The following SGCZ variants were observed in gnomAD, a reference collection of about 807,000 sequenced individuals.
SGCZ encodes the protein zeta-sarcoglycan.
A neutral mutation model predicts 41.3 loss-of-function variants in SGCZ; 40 were observed. The ratio of observed to expected loss-of-function variants is 0.97; its 90% CI spans 0.75 to 1.26. The LOEUF is 1.26. Ranked by LOEUF, SGCZ falls within the 50% of genes most tolerant of loss-of-function variation. SGCZ has a pLI of 0.00. For missense variants in SGCZ, 552 were observed against 369.8 expected (o/e 1.49, Z -4.04); for synonymous variants, 206 against 137.5 (o/e 1.50, Z -3.49).
intron 1 of SGCZ, among the ~76,000 whole-genome samples, chr8:14,577,304 G>A (rs1417712188): frequency 6.6e-5 from 10 of 150,890 alleles, no homozygotes; most frequent in Non-Finnish European, 8.8e-5. Flanking sequence ...ATTTTTATCT[G>A]ATCTGACAGA....
intron 1 of SGCZ, among the ~76,000 whole-genome samples, chr8:15,120,632 T>C (rs1040707156): frequency 2.0e-5 from 3 of 152,200 alleles, no homozygotes; most frequent in Non-Finnish European, 4.4e-5. Flanking sequence ...GTAATAGATA[T>C]GGACTTTTAT....
intron 3 of SGCZ, among the ~76,000 whole-genome samples, chr8:14,257,056 C>T (rs1318869534): frequency 2.6e-5 from 4 of 152,088 alleles, no homozygotes; most frequent in East Asian, 1.9e-4. Flanking sequence ...TCTGGCCAGG[C>T]GTGGTGGCTC....
chr8:14,288,311 A>G (rs1167632709), intron 3 of SGCZ, among the ~76,000 whole-genome samples: 1 of 152,156 alleles, frequency 6.6e-6, no homozygotes, highest in East Asian at 1.9e-4. Flanking sequence ...GAATAATTTT[A>G]AAGTGTACAA....
intron 1 of SGCZ, among the ~76,000 whole-genome samples, chr8:15,061,104 A>T (rs1257932589): frequency 1.3e-5 from 2 of 151,126 alleles, no homozygotes; most frequent in Non-Finnish European, 3.0e-5. Flanking sequence ...AAATGTTATC[A>T]AATGTTAGCC....
chr8:14,938,303 G>C (rs1036197022), intron 1 of SGCZ, among the ~76,000 whole-genome samples: 2 of 152,032 alleles, frequency 1.3e-5, no homozygotes, highest in African/African-American at 2.4e-5. Flanking sequence ...ACATACTTTC[G>C]AACTGTGCTG....
chr8:14,711,385 T>C (rs1809508923), intron 1 of SGCZ, among the ~76,000 whole-genome samples: 2 of 148,248 alleles, frequency 1.3e-5, no homozygotes, highest in Admixed American at 6.8e-5. Context: ...AGATCAGGAG[T>C]TCGAGACCAG....
At chr8:14,410,949 C>T (rs544727542) in intron 2 of SGCZ, among the ~76,000 whole-genome samples, 30 of 151,984 alleles carry the variant, frequency 2.0e-4, no homozygotes, top group Non-Finnish European at 4.1e-4. Flanking sequence ...TTTTCTTCAA[C>T]GTTTTTTCTT....
intron 2 of SGCZ, among the ~76,000 whole-genome samples, chr8:14,542,835 C>T (rs1011318203): frequency 2.0e-5 from 3 of 151,934 alleles, no homozygotes; most frequent in Non-Finnish European, 4.4e-5. Context: ...ATTTTTAGAT[C>T]TCTCTGCTAA....
At chr8:14,725,255 T>C (rs1183827226) in intron 1 of SGCZ, among the ~76,000 whole-genome samples, 8 of 152,238 alleles carry the variant, frequency 5.3e-5, no homozygotes, top group Non-Finnish European at 1.2e-4. Flanking sequence ...AGACACTTAA[T>C]TCCCTACTTT....
intron 1 of SGCZ, among the ~76,000 whole-genome samples, chr8:14,860,010 A>T (rs568799535): frequency 6.6e-6 from 1 of 152,294 alleles, no homozygotes; most frequent in African/African-American, 2.4e-5. Context: ...AGTAAAAGAT[A>T]AGGAAAGAAT....
At chr8:14,104,429 TA>T (rs34950929) in intron 6 of SGCZ, among the ~76,000 whole-genome samples, 87,912 of 150,718 alleles carry the variant, frequency 0.58, 26,309 homozygotes, top group East Asian at 0.87. Context: ...ACTATCAAAT[TA>T]AAAAAAAAAT....
At chr8:14,978,634 C>T (rs1220168165) in intron 1 of SGCZ, among the ~76,000 whole-genome samples, 1 of 151,946 alleles carries the variant, frequency 6.6e-6, no homozygotes, top group Non-Finnish European at 1.5e-5. Context: ...TCCCAACTTC[C>T]ACTAGGCCTG....
In SGCZ at chr8:14,150,157, C is replaced by T. The variant is rs954899734; in HGVS notation, c.547+14423G>A. 8.5e-5 allele frequency among the ~76,000 whole-genome samples: 13 copies of T among 152,102 alleles called. No homozygotes were observed. In the East Asian group the frequency reaches 1.4e-3, roughly 16 times the overall value. On this transcript the variant is annotated intron_variant, in intron 5 of 7. Transcript: ENST00000382080. Reference sequence around the variant, plus strand: ...AATACCTGACAAGCACAGACAACCACGGCAAGAATGGACAAATAGGATCAA... The same window carrying T: ...AATACCTGACAAGCACAGACAACCATGGCAAGAATGGACAAATAGGATCAA...
At position 14,087,333 on chromosome 8, in the gene SGCZ, C is replaced by A. The variant is rs1230519641; in HGVS notation, c.*3110G>T. Among the ~76,000 whole-genome samples the A allele has an allele frequency of 6.6e-6, 1 of 151,224 alleles. No individual in the cohort carries two copies. Among genetic ancestry groups the A allele is most frequent in the Non-Finnish European group, 1.5e-5 (1 of 67,602 alleles). ...TTTTTTTGAAGTATTTAATTGAAAT[C>A]TTCTGAAAAAGAAAAGAATAATGTG... On this transcript the variant is annotated 3_prime_UTR_variant, in exon 8 of 8. Transcript: ENST00000382080.
chr8:14,542,171 A>G (rs902560493), intron 2 of SGCZ, among the ~76,000 whole-genome samples: 5 of 152,058 alleles, frequency 3.3e-5, no homozygotes, highest in African/African-American at 1.2e-4. Context: ...TTTTGTTATT[A>G]TTGCTTTTGA....
intron 3 of SGCZ, among the ~76,000 whole-genome samples, chr8:14,281,952 C>A (rs73664089): frequency 0.033 from 4,973 of 152,002 alleles, 273 homozygotes; most frequent in African/African-American, 0.11. Flanking sequence ...TGCATTTAAA[C>A]GAACAACATC....
intron 2 of SGCZ, among the ~76,000 whole-genome samples, chr8:14,422,063 A>G (rs1030521643): frequency 6.6e-5 from 10 of 152,156 alleles, no homozygotes; most frequent in Admixed American, 3.3e-4. Context: ...AAGTTCCTTG[A>G]TATCTAAACA....
chr8:14,445,237 A>G (rs1203114279), intron 2 of SGCZ, among the ~76,000 whole-genome samples: 1 of 152,220 alleles, frequency 6.6e-6, no homozygotes, highest in Non-Finnish European at 1.5e-5. Flanking sequence ...AGTAGCCTGA[A>G]ACTCGCAGCC....
intron 1 of SGCZ, among the ~76,000 whole-genome samples, chr8:15,229,320 C>T (rs1031979744): frequency 9.9e-5 from 15 of 152,062 alleles, no homozygotes; most frequent in African/African-American, 3.6e-4. Flanking sequence ...ACTGTATAAA[C>T]ATTTATTACC....
Sources: allele counts gnomAD v4.1 joint callset (sites outside exome capture counted in the v4.1 genomes callset), GRCh38; gene constraint gnomAD v4.1.1; transcripts MANE v1.5; gene names NCBI Gene and HGNC (gene_info 2026-07-23, HGNC 2026-07-21).